RBFOX1: variants seen among roughly 807,000 people sequenced by gnomAD.
RBFOX1 encodes RNA binding fox-1 homolog 1.
A neutral mutation model predicts 57.7 loss-of-function variants in RBFOX1; 8 were observed. The observed-to-expected ratio is 0.14, with a 90% CI of 0.08 to 0.25. RBFOX1 has a LOEUF of 0.25. Among genes scored for constraint, RBFOX1 ranks in the 10% least tolerant of loss-of-function variants. The pLI is 1.00. For missense variants in RBFOX1, 611 were observed against 548.5 expected (o/e 1.11, Z -1.14); for synonymous variants, 326 against 222.4 (o/e 1.47, Z -4.15).
At chr16:6,450,092 G>A (rs1347264299) in intron 2 of RBFOX1, among the ~76,000 whole-genome samples, 1 of 152,138 alleles carries the variant, frequency 6.6e-6, no homozygotes, top group Non-Finnish European at 1.5e-5. Context: ...GCCTCTTTGA[G>A]GAGGTGGTGG....
chr16:7,360,634 C>G (rs780348940), intron 4 of RBFOX1, among the ~76,000 whole-genome samples: 1 of 152,202 alleles, frequency 6.6e-6, no homozygotes, highest in Admixed American at 6.5e-5. Context: ...ATTATCCCTC[C>G]CTATGATACA....
chr16:5,381,831 C>T (rs913367354), intron 1 of RBFOX1, among the ~76,000 whole-genome samples: 3 of 152,186 alleles, frequency 2.0e-5, no homozygotes, highest in Non-Finnish European at 4.4e-5. Flanking sequence ...GCTAAAAGCT[C>T]CCTCAAGGTC....
chr16:6,863,813 G>T (rs542025994), intron 3 of RBFOX1, among the ~76,000 whole-genome samples: 3 of 139,884 alleles, frequency 2.1e-5, no homozygotes, highest in African/African-American at 8.2e-5. Context: ...TCAGGAGGAT[G>T]TGCTATGAAA....
At chr16:7,518,436 C>G in intron 5 of RBFOX1, 47 bp downstream of exon 5, 1 of 1,560,804 alleles carries the variant, frequency 6.4e-7, no homozygotes, top group Non-Finnish European at 8.7e-7. Flanking sequence ...GGGAGGCGCC[C>G]CCAGCCCTGG....
At chr16:6,887,159 T>C (rs545916696) in intron 3 of RBFOX1, among the ~76,000 whole-genome samples, 1 of 152,318 alleles carries the variant, frequency 6.6e-6, no homozygotes, top group African/African-American at 2.4e-5. Flanking sequence ...GCTGTTCTTC[T>C]TGTTATTGTT....
At chr16:7,659,209 G>A (rs990613329) in intron 12 of RBFOX1, among the ~76,000 whole-genome samples, 2 of 152,174 alleles carry the variant, frequency 1.3e-5, no homozygotes, top group African/African-American at 2.4e-5. Flanking sequence ...TGGGGTATAG[G>A]AAAGATAGAG....
Position 6,947,865 on chromosome 16 carries a change from C to G in RBFOX1, c.-15-104192C>G, listed in dbSNP as rs144464382. ...AATCTTGGCTCACTGCAAAGTCCAC[C>G]TCATGGGTTCAAGCGTTTCTCCTGC... On this transcript the variant is annotated intron_variant, in intron 3 of 15. Transcript: ENST00000550418. Among the ~76,000 whole-genome samples the G allele has an allele frequency of 9.3e-3, 1,421 of 152,290 alleles. 6 individuals carry two copies. Among genetic ancestry groups the G allele is most frequent in the Non-Finnish European group, 0.015 (995 of 68,018 alleles).
rs544794138 is a variant in RBFOX1 at position 6,428,399 on chromosome 16, G to C, written c.-64+111342G>C. ...TGTACTGAAACCTTCAATAAAAGCA[G>C]TATTTACTGGGTGGAATACAAAACT... On this transcript the variant is annotated intron_variant, in intron 2 of 15. Transcript: ENST00000550418. 4.6e-5 allele frequency among the ~76,000 whole-genome samples: 7 copies of C among 151,482 alleles called. No individual in the cohort carries two copies. The East Asian group carries it at 1.4e-3, about 29-fold the overall frequency.
chr16:6,549,017 G>A (rs1460511556), intron 2 of RBFOX1, among the ~76,000 whole-genome samples: 4 of 149,808 alleles, frequency 2.7e-5, no homozygotes, highest in African/African-American at 7.4e-5. Context: ...GGAGGTTGCA[G>A]TGAGCTGAGA....
chr16:6,425,485 G>C (rs1334526958), intron 2 of RBFOX1, among the ~76,000 whole-genome samples: 1 of 152,216 alleles, frequency 6.6e-6, no homozygotes, highest in Non-Finnish European at 1.5e-5. Context: ...ATTAGGCGGT[G>C]CTGTGTTGTG....
chr16:7,294,974 T>C (rs2095862421), intron 4 of RBFOX1, among the ~76,000 whole-genome samples: 1 of 152,208 alleles, frequency 6.6e-6, no homozygotes, highest in Non-Finnish European at 1.5e-5. Context: ...ATTGGAACTA[T>C]AAAAATAATC....
At chr16:7,193,473 C>G (rs963338364) in intron 4 of RBFOX1, among the ~76,000 whole-genome samples, 2 of 152,164 alleles carry the variant, frequency 1.3e-5, no homozygotes, top group African/African-American at 2.4e-5. Flanking sequence ...TGTTTGAGGT[C>G]TTTGTTACAG....
chr16:5,272,023 A>G (rs557901624), intron 1 of RBFOX1, among the ~76,000 whole-genome samples: 5 of 152,266 alleles, frequency 3.3e-5, no homozygotes, highest in East Asian at 1.9e-4. Flanking sequence ...GGTTGATTCT[A>G]TATCTTGGGT....
At chr16:7,233,889 A>G (rs566852729) in intron 4 of RBFOX1, among the ~76,000 whole-genome samples, 2 of 152,182 alleles carry the variant, frequency 1.3e-5, no homozygotes, top group African/African-American at 4.8e-5. Context: ...GTCAATCACC[A>G]CTCAACGAGA....
At chr16:6,305,386 A>G (rs1599423477) in intron 1 of RBFOX1, among the ~76,000 whole-genome samples, 1 of 152,200 alleles carries the variant, frequency 6.6e-6, no homozygotes, top group South Asian at 2.1e-4. Flanking sequence ...TGCATGACAC[A>G]GAGTTAACAT....
chr16:5,603,415 G>A (rs1377126050), downstream of RBFOX1, among the ~76,000 whole-genome samples: 1 of 152,166 alleles, frequency 6.6e-6, no homozygotes, highest in East Asian at 1.9e-4. Context: ...CTGAAATTCA[G>A]ACCCAGATTG....
chr16:6,215,996 G>A (rs541761024), intron 1 of RBFOX1, among the ~76,000 whole-genome samples: 1 of 152,250 alleles, frequency 6.6e-6, no homozygotes, highest in South Asian at 2.1e-4. Context: ...GGATGGAGCT[G>A]GAGTCCATTG....
chr16:6,132,654 T>A (rs2096637820), intron 1 of RBFOX1, among the ~76,000 whole-genome samples: 1 of 152,138 alleles, frequency 6.6e-6, no homozygotes, highest in Middle Eastern at 3.2e-3. Context: ...GACTGTGAGT[T>A]AACAGAGGAA....
At chr16:7,198,844 T>G (rs944585032) in intron 4 of RBFOX1, among the ~76,000 whole-genome samples, 57 of 152,206 alleles carry the variant, frequency 3.7e-4, no homozygotes, top group African/African-American at 1.4e-3. Flanking sequence ...GGGGACACAT[T>G]GAAACCATAG....
Sources: allele counts gnomAD v4.1 joint callset (sites outside exome capture counted in the v4.1 genomes callset), GRCh38; gene constraint gnomAD v4.1.1; transcripts MANE v1.5; gene names NCBI Gene and HGNC (gene_info 2026-07-23, HGNC 2026-07-21).